The following ITIH2 variants were observed in gnomAD, a reference collection of about 807,000 sequenced individuals.
ITIH2 encodes the protein inter-alpha-trypsin inhibitor heavy chain 2, also known as inter-alpha-trypsin inhibitor heavy chain H2.
In ITIH2, 103 loss-of-function variants were observed where a neutral mutation model predicts 104.4. The observed-to-expected ratio is 0.99, with a 90% CI of 0.84 to 1.16. The LOEUF is 1.16. Among genes scored for constraint, ITIH2 ranks in the 50% most tolerant of loss-of-function variants. The pLI is 0.00. For synonymous variants in ITIH2, 436 were observed against 435.4 expected (o/e 1.00, Z -0.02); for missense variants, 1,108 against 1,162.4 (o/e 0.95, Z 0.68).
At chr10:7,741,105 G>C (rs553735582) in intron 16 of ITIH2, among the ~76,000 whole-genome samples, 2 of 150,148 alleles carry the variant, frequency 1.3e-5, no homozygotes, top group East Asian at 1.9e-4. Flanking sequence ...AATTTTCTTC[G>C]AACAGAATAT....
At position 7,747,821 on chromosome 10, in the gene ITIH2, C is replaced by G. The variant is rs143687896; in HGVS notation, c.2693+1117C>G. Among the ~76,000 whole-genome samples the G allele has an allele frequency of 3.4e-3, 522 of 152,240 alleles. 3 individuals are homozygous for G. Among genetic ancestry groups the G allele is most frequent in the Middle Eastern group, 0.02 (6 of 294 alleles). On this transcript the variant is annotated intron_variant, in intron 20 of 20. Transcript: ENST00000358415. The stretch of plus-strand genomic sequence containing the variant: ...GGCTGAGGTGGGAGGATCCGTTGAA[C>G]CCAGGAGTTCGAGGATGAAGTGACT...
At position 7,734,957 on chromosome 10, in the gene ITIH2, T is replaced by A; in HGVS notation, c.1823T>A (p.Ile608Asn). ...CCTACAGCTGCCGCCAAGAGAAGAA[T>A]TACAAGATCGATCCTGCAGATGTCT... ...LAPTAAAKRR[I>N]TRSILQMSLD... The change falls in exon 15 of 21, where the codon ATT becomes AAT. Residue 608 changes from isoleucine to asparagine, a missense_variant. By Grantham distance (149) the Ile-to-Asn change is moderately radical (BLOSUM62 -3). Transcript: ENST00000358415. 3.1e-6 allele frequency: 5 copies of A among 1,613,552 alleles called. No individual in the cohort carries two copies. Among genetic ancestry groups the A allele is most frequent in the Non-Finnish European group, 4.2e-6 (5 of 1,179,974 alleles).
At chr10:7,729,221 G>A (rs1395430879) in intron 11 of ITIH2, among the ~76,000 whole-genome samples, 2 of 152,204 alleles carry the variant, frequency 1.3e-5, no homozygotes, top group East Asian at 3.9e-4. Context: ...GCTGAGACAG[G>A]AGAATCCCTT....
intron 5 of ITIH2, 58 bp from the exon 6 acceptor site, chr10:7,717,568 T>C: frequency 6.5e-7 from 1 of 1,534,080 alleles, no homozygotes; most frequent in South Asian, 1.1e-5. Flanking sequence ...GCCTAGATTC[T>C]GGGTCTTGCT....
intron 20 of ITIH2, among the ~76,000 whole-genome samples, chr10:7,747,714 C>A (rs913030664): frequency 1.3e-5 from 2 of 151,982 alleles, no homozygotes; most frequent in Non-Finnish European, 2.9e-5. Flanking sequence ...TAGTAAGACT[C>A]CATCTCTACA....
intron 20 of ITIH2, among the ~76,000 whole-genome samples, chr10:7,747,267 C>T (rs954949477): frequency 3.3e-5 from 5 of 152,112 alleles, no homozygotes; most frequent in African/African-American, 9.7e-5. Context: ...AATTTGATAC[C>T]GTTTTAAAGC....
At chr10:7,746,726 A>G in intron 20 of ITIH2, 22 bp downstream of exon 20, 1 of 1,440,756 alleles carries the variant, frequency 6.9e-7, no homozygotes, top group Non-Finnish European at 9.8e-7. Flanking sequence ...GCGTAAGGAC[A>G]GTGACGAAAA....
chr10:7,716,436 T>G (rs1362811539), intron 5 of ITIH2, among the ~76,000 whole-genome samples: 1 of 152,088 alleles, frequency 6.6e-6, no homozygotes, highest in Non-Finnish European at 1.5e-5. Flanking sequence ...TAAGGCCTTA[T>G]GATAGAAAAA....
rs1835041603 is a variant in ITIH2 at position 7,735,090 on chromosome 10, A to T, written c.1956A>T (p.Ser652=). 1 of 1,604,416 alleles carries T rather than the reference A, an allele frequency of 6.2e-7. No individual in the cohort carries two copies. Among genetic ancestry groups the T allele is most frequent in the Non-Finnish European group, 8.5e-7 (1 of 1,178,332 alleles). The stretch of plus-strand genomic sequence containing the variant: ...CACCGCAGGATCCCTCCTGCTGCTC[A>T]GGTCAGGGCTGCACCTGTGGGGACA... ...DAPPQDPSCC[S]GALYYGSKVV... Residue 652 remains serine (S), a splice_region_variant and synonymous_variant, in exon 15 of 21, where the codon TCA becomes TCT. Transcript: ENST00000358415.
chr10:7,728,445 A>G (rs1834971073), intron 11 of ITIH2, among the ~76,000 whole-genome samples: 1 of 152,166 alleles, frequency 6.6e-6, no homozygotes, highest in Non-Finnish European at 1.5e-5. Context: ...GCAGTGGAGC[A>G]CACACAGCTC....
chr10:7,746,482 C>T, intron 19 of ITIH2, 111 bp from the exon 20 acceptor site: 1 of 698,038 alleles, frequency 1.4e-6, no homozygotes, highest in East Asian at 2.7e-5. Context: ...CTTGTCTTTC[C>T]ACCCTAGAAA....
rs746385658 is a variant in ITIH2, at chr10:7,734,475, G to A, written c.1788-447G>A. On this transcript the variant is annotated intron_variant, in intron 14 of 20. Transcript: ENST00000358415. ...TTTGGGAGGCCAAGGCGTGTGGATCGCTTGAGTCCAAGAGTTTGAGACCAG... is the reference window on the plus strand; with the variant it reads ...TTTGGGAGGCCAAGGCGTGTGGATCACTTGAGTCCAAGAGTTTGAGACCAG... 4.6e-5 allele frequency among the ~76,000 whole-genome samples: 7 copies of A among 151,958 alleles called. No individual in the cohort carries two copies. The East Asian group carries it at 5.8e-4, about 13-fold the overall frequency.
At chr10:7,743,394 T>G in intron 17 of ITIH2, 135 bp downstream of exon 17, 1 of 558,512 alleles carries the variant, frequency 1.8e-6, no homozygotes, top group Non-Finnish European at 3.1e-6. Flanking sequence ...AATTAAATTA[T>G]AAATATATTC....
chr10:7,745,020 T>TTTGG (rs1835163065), intron 19 of ITIH2, 57 bp downstream of exon 19: 13 of 1,498,162 alleles, frequency 8.7e-6, no homozygotes, highest in Non-Finnish European at 1.2e-5. Flanking sequence ...CTTTAGCAGC[T>TTTGG]TTGGTTGACA....
chr10:7,704,524 C>T (rs1045520224), intron 1 of ITIH2, among the ~76,000 whole-genome samples: 3 of 152,132 alleles, frequency 2.0e-5, no homozygotes, highest in Admixed American at 1.3e-4. Flanking sequence ...CAGGGTCTAC[C>T]CAGATACTTC....
chr10:7,712,572 T>C (rs1057255354), intron 4 of ITIH2, among the ~76,000 whole-genome samples: 1 of 152,068 alleles, frequency 6.6e-6, no homozygotes, highest in African/African-American at 2.4e-5. Flanking sequence ...AAGAGAACCA[T>C]CCTTAATCTA....
chr10:7,719,522 G>A (rs1446260140), intron 6 of ITIH2, among the ~76,000 whole-genome samples: 4 of 152,074 alleles, frequency 2.6e-5, no homozygotes, highest in Admixed American at 2.6e-4. Context: ...CAATCACTGA[G>A]ACTGTTGATA....
At chr10:7,740,531 G>C (rs1835114509) in intron 16 of ITIH2, among the ~76,000 whole-genome samples, 1 of 152,216 alleles carries the variant, frequency 6.6e-6, no homozygotes, top group African/African-American at 2.4e-5. Flanking sequence ...GGAGTGAGCT[G>C]CTTAAACTGT....
Position 7,726,972 on chromosome 10 carries a change from T to C in ITIH2, c.1007T>C (p.Ile336Thr), listed in dbSNP as rs374860908. 61 of 1,612,806 alleles carry C rather than the reference T, an allele frequency of 3.8e-5. No individual in the cohort carries two copies. The African/African-American group carries it at 6.1e-4, about 16-fold the overall frequency. ...TAGACTGTGGAAGCAATGAAGACCA[T>C]ATTGGATGACCTCAGAGCAGAAGAC... ...MKQTVEAMKT[I>T]LDDLRAEDHF... The change falls in exon 10 of 21, where the codon ATA becomes ACA. Residue 336 changes from isoleucine (I) to threonine (T), a missense_variant. Coordinates refer to ENST00000358415, the MANE Select transcript of ITIH2 (RefSeq NM_002216.3).
Sources: gnomAD v4.1 joint callset for allele counts (sites outside exome capture counted in the v4.1 genomes callset) on GRCh38, gnomAD v4.1.1 for gene constraint, MANE v1.5 for transcripts, NCBI Gene and HGNC (gene_info 2026-07-23, HGNC 2026-07-21) for gene names.